The following PIGG variants were observed in gnomAD, a reference collection of about 807,000 sequenced individuals.
PIGG encodes the protein phosphatidylinositol glycan anchor biosynthesis class G (EMM blood group), also known as GPI ethanolamine phosphate transferase 2, catalytic subunit.
Under a neutral mutation model 83.2 loss-of-function variants are expected in PIGG, and 70 were observed. That is an observed-to-expected ratio of 0.84 (90% CI 0.69 to 1.03). PIGG has a LOEUF of 1.03. PIGG is among the 50% of genes least tolerant of loss of function. PIGG has a pLI of 0.00. For synonymous variants in PIGG, 532 were observed against 519.5 expected, an observed-to-expected ratio of 1.02 and a Z score of -0.33; for missense variants, 1,257 against 1,233.6, an observed-to-expected ratio of 1.02 and a Z score of -0.28.
Position 516,141 on chromosome 4 carries a change from A to T in PIGG, c.1070A>T (p.Gln357Leu). ...AGATTTTTACATTTGAATACAGTGCAGCTTAGTAAACTGTTGCAAGAGAAT... is the reference window on the plus strand; with the variant it reads ...AGATTTTTACATTTGAATACAGTGCTGCTTAGTAAACTGTTGCAAGAGAAT... ...QLRFLHLNTV[Q>L]LSKLLQENVP... The change falls in exon 6 of 13, where the codon CAG (glutamine) becomes CTG (leucine). Residue 357 changes from glutamine (Q) to leucine (L), a missense_variant. Coordinates refer to ENST00000453061, the MANE Select transcript of PIGG (RefSeq NM_001127178.3). The T allele has an allele frequency of 6.2e-7, 1 of 1,614,114 alleles. No individual in the cohort carries two copies. Among genetic ancestry groups the T allele is most frequent in the Non-Finnish European group, 8.5e-7 (1 of 1,179,944 alleles).
Position 523,584 on chromosome 4 carries a change from C to G in PIGG, c.1740C>G (p.Phe580Leu), listed in dbSNP as rs1361645394. The part of the protein sequence containing the change: ...FVEEEHQTWY[F>L]LVNTLCLALS... ...AGGAGGAGCACCAGACCTGGTACTT[C>G]CTTGTGAACACCCTGTGTCTAGCTC... Residue 580 changes from phenylalanine (F) to leucine (L), a missense_variant, in exon 9 of 13, where the codon TTC becomes TTG. Phe to Leu is a conservative substitution (Grantham distance 22). Coordinates refer to ENST00000453061, the MANE Select transcript of PIGG (RefSeq NM_001127178.3). 1.9e-6 allele frequency: 3 copies of G among 1,614,160 alleles called. No homozygotes were observed. In the African/African-American group the frequency reaches 4.0e-5, roughly 22 times the overall value.
intron 6 of PIGG, among the ~76,000 whole-genome samples, chr4:517,340 T>C (rs972541405): frequency 5.9e-5 from 9 of 152,114 alleles, no homozygotes; most frequent in Non-Finnish European, 1.3e-4. Context: ...CTGAAGGTCA[T>C]GAAGACAGGA....
intron 5 of PIGG, among the ~76,000 whole-genome samples, chr4:509,917 T>G (rs1300899213): frequency 6.6e-6 from 1 of 152,232 alleles, no homozygotes; most frequent in East Asian, 1.9e-4. Flanking sequence ...GGATTTTGTT[T>G]ATTTATGGGA....
chr4:503,842 TTA>T (rs1491457373), intron 2 of PIGG, among the ~76,000 whole-genome samples: 3 of 101,420 alleles, frequency 3.0e-5, no homozygotes, highest in Non-Finnish European at 5.9e-5. Flanking sequence ...ATTTGTGATT[TTA>T]TACACACACA....
intron 9 of PIGG, 154 bp from the exon 10 acceptor site, chr4:526,885 C>T (rs1019562526): frequency 5.6e-6 from 5 of 892,452 alleles, no homozygotes; most frequent in Non-Finnish European, 8.5e-6. Context: ...CTTTAAGAAC[C>T]TTTGTTTGAA....
chr4:499,395 C>A lies in PIGG; in HGVS notation c.60C>A (p.Ile20=). The A allele has an allele frequency of 1.2e-6, 2 of 1,609,948 alleles. No homozygotes were observed. The highest frequency in any genetic ancestry group is 1.1e-5 in the South Asian group (1 of 90,998). ...GCGTAGCGATCGAGGTGCTAGGGAT[C>A]GCGGTCTTCCTTCGGGGATTCTTCC... ...TCCVAIEVLG[I]AVFLRGFFPA... The change falls in exon 1 of 13, where the codon ATC becomes ATA. Residue 20 remains isoleucine, a synonymous_variant. Transcript: ENST00000453061.
Position 505,892 on chromosome 4 carries a change from G to A in PIGG, c.535G>A (p.Gly179Arg). Reference protein sequence around the residue: ...LFPKHFVEYDGTTSFFVSDYT... With the variant: ...LFPKHFVEYDRTTSFFVSDYT... The stretch of plus-strand genomic sequence containing the variant: ...CCCAAAGCATTTTGTGGAATATGAT[G>A]GAACAACCTCATTTTTCGTGTCAGA... Residue 179 changes from glycine to arginine, a missense_variant, in exon 3 of 13, where the codon GGA (glycine) becomes AGA (arginine). Coordinates refer to ENST00000453061, the MANE Select transcript of PIGG (RefSeq NM_001127178.3). 3 of 1,612,778 alleles carry A rather than the reference G, an allele frequency of 1.9e-6. No individual in the cohort carries two copies. The highest frequency in any genetic ancestry group is 2.5e-6 in the Non-Finnish European group (3 of 1,179,714).
intron 10 of PIGG, chr4:527,631 G>A: frequency 1.0e-6 from 1 of 994,906 alleles, no homozygotes; most frequent in Non-Finnish European, 1.2e-6. Flanking sequence ...TGATGAGGAT[G>A]ATGAGTGGAT....
chr4:514,198 C>T (rs1237078300), intron 5 of PIGG, among the ~76,000 whole-genome samples: 1 of 152,188 alleles, frequency 6.6e-6, no homozygotes, highest in African/African-American at 2.4e-5. Flanking sequence ...CACTCATTTC[C>T]CTTCTCCTTT....
rs752686273 is a variant in PIGG at position 527,060 on chromosome 4, C to T, written c.2091C>T (p.Leu697=). ...WLTSSDHKAE[L]SVLAALSLLV... ...TCAGCTCTGACCACAAAGCCGAGCT[C>T]TCTGTCCTGGCTGCCCTCTCCCTCC... The change falls in exon 10 of 13, where the codon CTC becomes CTT. Residue 697 remains leucine (L), a synonymous_variant. Coordinates refer to ENST00000453061, the MANE Select transcript of PIGG (RefSeq NM_001127178.3). 5 of 1,614,182 alleles carry T rather than the reference C, an allele frequency of 3.1e-6. No individual in the cohort carries two copies. The highest frequency in any genetic ancestry group is 4.2e-6 in the Non-Finnish European group (5 of 1,180,032).
chr4:521,360 G>A (rs1205221006), intron 7 of PIGG, 87 bp downstream of exon 7: 2 of 838,248 alleles, frequency 2.4e-6, no homozygotes, highest in Non-Finnish European at 3.7e-6. Context: ...ATATATATAG[G>A]TGTTATTAAA....
chr4:509,686 G>A (rs2108823078), intron 5 of PIGG, among the ~76,000 whole-genome samples: 1 of 152,306 alleles, frequency 6.6e-6, no homozygotes, highest in East Asian at 1.9e-4. Context: ...ACATCTTTCT[G>A]GTTTTCCTCC....
At chr4:536,657 A>G (rs952678760) in intron 12 of PIGG, 1 of 152,178 alleles carries the variant, frequency 6.6e-6, no homozygotes, top group African/African-American at 2.4e-5. Context: ...GCGTGCTCAC[A>G]CTGGCCTTAC....
chr4:528,971 C>G lies in PIGG; in HGVS notation c.2262-1465C>G, dbSNP rs1370879740. Among the ~76,000 whole-genome samples the G allele has an allele frequency of 3.9e-5, 6 of 152,174 alleles. No individual in the cohort carries two copies. The highest frequency in any genetic ancestry group is 8.8e-5 in the Non-Finnish European group (6 of 68,032). ...CTAGATCATTGTAACAGCTGCCGCTCTCCTGTCAGTCCCCCGGGCCCTGCC... is the reference window on the plus strand; with the variant it reads ...CTAGATCATTGTAACAGCTGCCGCTGTCCTGTCAGTCCCCCGGGCCCTGCC... On this transcript the variant is annotated intron_variant, in intron 10 of 12. Coordinates refer to ENST00000453061, the MANE Select transcript of PIGG (RefSeq NM_001127178.3). This position sits in a 1 kb window ranked among gnomAD's most constrained non-coding sequence, Gnocchi z 4.8.
chr4:522,188 G>A lies in PIGG; in HGVS notation c.1614+247G>A, dbSNP rs555564479. 862 of 603,042 alleles carry A rather than the reference G, an allele frequency of 1.4e-3. 13 individuals carry two copies. In the South Asian group the frequency reaches 0.014, roughly 10 times the overall value. The allele number at this position is 603,042 out of a possible 1,614,324, so 37.4% of individuals were successfully genotyped here. Reference sequence around the variant, plus strand: ...AGATGCCTCAGTTCTTGGAAAGCTAGGTTCCTGCGACTGTTACCAAGGTGA... The same window carrying A: ...AGATGCCTCAGTTCTTGGAAAGCTAAGTTCCTGCGACTGTTACCAAGGTGA... On this transcript the variant is annotated intron_variant, in intron 8 of 12. Transcript: ENST00000453061.
chr4:507,492 C>A lies in PIGG; in HGVS notation c.658C>A (p.His220Asn). 1 of 1,613,968 alleles carries A rather than the reference C, an allele frequency of 6.2e-7. No individual in the cohort carries two copies. The highest frequency in any genetic ancestry group is 8.5e-7 in the Non-Finnish European group (1 of 1,179,826). The change falls in exon 4 of 13, where the codon CAC becomes AAC. Residue 220 changes from histidine (H) to asparagine (N), a missense_variant. Coordinates refer to ENST00000453061, the MANE Select transcript of PIGG (RefSeq NM_001127178.3). Reference protein sequence around the residue: ...ILILHYLGLDHIGHISGPNSP... With the variant: ...ILILHYLGLDNIGHISGPNSP... ...AATCCTCCACTACCTGGGGCTGGAC[C>A]ACATTGGCCACATTTCAGGGCCCAA... is the stretch of plus-strand genomic sequence containing the variant.
chr4:499,704 C>T (rs1314314515), intron 1 of PIGG: 3 of 1,395,934 alleles, frequency 2.1e-6, no homozygotes, highest in Middle Eastern at 2.6e-4. Context: ...CCACTTCGAC[C>T]TTCCTTCCTG....
Position 530,287 on chromosome 4 carries a change from G to C in PIGG, c.2262-149G>C, listed in dbSNP as rs911787807. 1.1e-5 allele frequency: 7 copies of C among 627,454 alleles called. No individual in the cohort carries two copies. The African/African-American group carries it at 1.3e-4, about 12-fold the overall frequency. 38.9% of individuals were successfully genotyped at this position (627,454 alleles called of 1,614,324 possible). The stretch of plus-strand genomic sequence containing the variant: ...ATGCCCACTGCCATGACAGGACCTG[G>C]GGGGTAGGGAGGGTGCCGCGGCTCC... On this transcript the variant is annotated intron_variant, in intron 10 of 12. Coordinates refer to ENST00000453061, the MANE Select transcript of PIGG (RefSeq NM_001127178.3).
chr4:528,071 A>G lies in PIGG; in HGVS notation c.2261+841A>G. ...CTCCCAGTGAGGTCGGTGCTCTGACAGTGACCGTCCCAGTGAGGTCGGTGC... is the reference window on the plus strand; with the variant it reads ...CTCCCAGTGAGGTCGGTGCTCTGACGGTGACCGTCCCAGTGAGGTCGGTGC... On this transcript the variant is annotated intron_variant, in intron 10 of 12. Transcript: ENST00000453061. This position sits in a 1 kb window ranked among gnomAD's most constrained non-coding sequence, Gnocchi z 4.8. 1.0e-6 allele frequency: 1 copy of G among 985,154 alleles called. No individual in the cohort carries two copies. Among genetic ancestry groups the G allele is most frequent in the African/African-American group, 1.7e-5 (1 of 57,294 alleles). The allele number at this position is 985,154 out of a possible 1,614,324, so 61.0% of individuals were successfully genotyped here.
Sources: gnomAD v4.1 joint callset for allele counts (sites outside exome capture counted in the v4.1 genomes callset) on GRCh38, gnomAD v4.1.1 for gene constraint, Gnocchi (gnomAD v3.1) non-coding constraint, MANE v1.5 for transcripts, NCBI Gene and HGNC (gene_info 2026-07-23, HGNC 2026-07-21) for gene names.